Variants in BDH1 observed in about 807,000 individuals in gnomAD.
The protein encoded by BDH1 is 3-hydroxybutyrate dehydrogenase 1, also known as D-beta-hydroxybutyrate dehydrogenase, mitochondrial.
In BDH1, 30 loss-of-function variants were observed where a neutral mutation model predicts 33.1. That is an observed-to-expected ratio of 0.91 (90% CI 0.68 to 1.23). The LOEUF is 1.23. Among genes scored for constraint, BDH1 ranks in the 50% most tolerant of loss-of-function variants. BDH1 has a pLI of 0.00. For missense variants in BDH1, 443 were observed against 464.4 expected (o/e 0.95, Z 0.42); for synonymous variants, 190 against 183.6 (o/e 1.03, Z -0.28).
chr3:197,550,582 C>T (rs866896904), intron 2 of BDH1, among the ~76,000 whole-genome samples: 5 of 152,310 alleles, frequency 3.3e-5, no homozygotes, highest in South Asian at 4.1e-4. Context: ...CCCCTGGCAC[C>T]GTGAGAGAAT....
intron 2 of BDH1, among the ~76,000 whole-genome samples, chr3:197,553,761 A>G (rs949687418): frequency 6.6e-6 from 1 of 152,168 alleles, no homozygotes; most frequent in African/African-American, 2.4e-5. Context: ...AATGTACACC[A>G]GCCTTGGTGA....
chr3:197,559,973 G>C (rs1442790604), upstream of BDH1, among the ~76,000 whole-genome samples: 1 of 152,186 alleles, frequency 6.6e-6, no homozygotes, highest in Non-Finnish European at 1.5e-5. Context: ...TCCCCCTACT[G>C]TAAAACCACC....
chr3:197,513,569 A>C (rs572325351), intron 7 of BDH1, among the ~76,000 whole-genome samples: 1 of 152,366 alleles, frequency 6.6e-6, no homozygotes, highest in Admixed American at 6.5e-5. Context: ...AACTCAGCCC[A>C]TCCTGGGGGA....
chr3:197,538,386 T>C (rs1322766285), intron 3 of BDH1: 3 of 454,272 alleles, frequency 6.6e-6, no homozygotes, highest in African/African-American at 2.0e-5. Flanking sequence ...AGTTTCACTC[T>C]TGTTGCCCAG....
rs537684407 is a variant in BDH1 at position 197,552,202 on chromosome 3, A to G, written c.-44+2360T>C. On this transcript the variant is annotated intron_variant, in intron 2 of 7. Coordinates refer to ENST00000392379, the MANE Select transcript of BDH1 (RefSeq NM_203314.3). The stretch of plus-strand genomic sequence containing the variant: ...CATTCTTGACTCCCCTTTCCTGCAC[A>G]CTCCACGGCCCAGTGCTCGGCAAGT... Among the ~76,000 whole-genome samples the G allele has an allele frequency of 3.3e-5, 5 of 151,264 alleles. No individual in the cohort carries two copies. The South Asian group carries it at 8.4e-4, about 25-fold the overall frequency.
intron 2 of BDH1, among the ~76,000 whole-genome samples, chr3:197,548,283 C>T (rs1035516064): frequency 2.1e-4 from 32 of 152,270 alleles, no homozygotes; most frequent in Admixed American, 1.2e-3. Flanking sequence ...ATGAGGCACC[C>T]CCTCCCACCA....
intron 2 of BDH1, among the ~76,000 whole-genome samples, chr3:197,553,979 G>C (rs544532090): frequency 6.6e-6 from 1 of 152,218 alleles, no homozygotes; most frequent in South Asian, 2.1e-4. Context: ...TTTCAAACCC[G>C]AGGACACAAG....
intron 3 of BDH1, among the ~76,000 whole-genome samples, chr3:197,541,646 A>AT (rs60455756): frequency 2.7e-4 from 40 of 150,176 alleles, no homozygotes; most frequent in South Asian, 4.3e-4. Context: ...CCATAGAATG[A>AT]TTTTTTTTTT....
chr3:197,550,526 T>C (rs971775275), intron 2 of BDH1, among the ~76,000 whole-genome samples: 43 of 152,208 alleles, frequency 2.8e-4, no homozygotes, highest in African/African-American at 1.0e-3. Flanking sequence ...CACGGAGGAC[T>C]GAGCCAGGAA....
At chr3:197,539,720 C>T (rs182987787) in intron 3 of BDH1, among the ~76,000 whole-genome samples, 216 of 152,154 alleles carry the variant, frequency 1.4e-3, no homozygotes, top group African/African-American at 5.1e-3. Flanking sequence ...TGGCCCCGAC[C>T]CAGGAACTGA....
chr3:197,557,064 G>T (rs1329262240), upstream of BDH1, among the ~76,000 whole-genome samples: 1 of 152,220 alleles, frequency 6.6e-6, no homozygotes, highest in African/African-American at 2.4e-5. This position sits in a 1 kb window ranked among gnomAD's most constrained non-coding sequence, Gnocchi z 4.6. Context: ...TCAGAAACTC[G>T]AAAGAATGCG....
In BDH1 at chr3:197,565,463, C is replaced by T. The variant is rs556900519; in HGVS notation, c.-44+7718G>A. The stretch of plus-strand genomic sequence containing the variant: ...TTAATCCTTTAAGATATTAGGTTTC[C>T]TGAAGTCCAAAATGACATAATTTGG... On this transcript the variant is annotated intron_variant, in intron 1 of 6. Transcript: ENST00000358186. Among the ~76,000 whole-genome samples, 10 of 151,978 alleles carry T rather than the reference C, an allele frequency of 6.6e-5. No individual in the cohort carries two copies. In the South Asian group the frequency reaches 1.5e-3, roughly 22 times the overall value.
chr3:197,560,501 A>T (rs1315019381), upstream of BDH1, among the ~76,000 whole-genome samples: 2 of 152,244 alleles, frequency 1.3e-5, no homozygotes, highest in African/African-American at 4.8e-5. Context: ...GTCCTGTTCC[A>T]GCCAATGGAA....
chr3:197,528,485 A>T lies in BDH1; in HGVS notation c.267+3927T>A, dbSNP rs1714321973. 1 of 152,226 alleles carries T rather than the reference A, an allele frequency of 6.6e-6. No individual in the cohort carries two copies. The allele number at this position is 152,226 out of a possible 1,614,324, so 9.4% of individuals were successfully genotyped here. Reference sequence around the variant, plus strand: ...CTGAACAAGAGCAGAGAGAGTGTTTAGGTACAGATGTAGCCGGAATCCATC... The same window carrying T: ...CTGAACAAGAGCAGAGAGAGTGTTTTGGTACAGATGTAGCCGGAATCCATC... On this transcript the variant is annotated intron_variant, in intron 5 of 7. Transcript: ENST00000392379. This position sits in a 1 kb window ranked among gnomAD's most constrained non-coding sequence, Gnocchi z 5.1.
chr3:197,566,633 G>T lies in BDH1; in HGVS notation c.-44+6548C>A, dbSNP rs570920776. Among the ~76,000 whole-genome samples the T allele has an allele frequency of 1.2e-3, 181 of 152,256 alleles. 2 individuals are homozygous for T. The highest frequency in any genetic ancestry group is 4.0e-3 in the African/African-American group (165 of 41,544). ...AGGCCAAGTATAGTAAAGCAAACCA[G>T]TCCTACCATGATTTTTCTTTAGTAC... is the stretch of plus-strand genomic sequence containing the variant. On this transcript the variant is annotated intron_variant, in intron 1 of 6. Transcript: ENST00000358186.
rs1281789447 is a variant in BDH1 at position 197,525,853 on chromosome 3, T to G, written c.268-3072A>C. ...CTGGACCCAGGGTTTCTGTGCTCCCTCTGCAGGTCTCCGTGCTCCCTCTGC... is the reference window on the plus strand; with the variant it reads ...CTGGACCCAGGGTTTCTGTGCTCCCGCTGCAGGTCTCCGTGCTCCCTCTGC... On this transcript the variant is annotated intron_variant, in intron 5 of 7. Transcript: ENST00000392379. The surrounding 1 kb of genome is among the most constrained non-coding windows in gnomAD (Gnocchi z 4.9). 1.3e-5 allele frequency among the ~76,000 whole-genome samples: 2 copies of G among 152,014 alleles called. No homozygotes were observed. Among genetic ancestry groups the G allele is most frequent in the Admixed American group, 6.6e-5 (1 of 15,262 alleles).
intron 6 of BDH1, among the ~76,000 whole-genome samples, chr3:197,517,461 C>A (rs1712899073): frequency 1.3e-5 from 1 of 77,190 alleles, no homozygotes; most frequent in Non-Finnish European, 2.7e-5. Context: ...TCAGGCCGAC[C>A]CCCTCATCAG....
chr3:197,522,662 C>G lies in BDH1; in HGVS notation c.387G>C (p.Ser129=), dbSNP rs781650455. 6.2e-7 allele frequency: 1 copy of G among 1,614,178 alleles called. No homozygotes were observed. Among genetic ancestry groups the G allele is most frequent in the Non-Finnish European group, 8.5e-7 (1 of 1,180,014 alleles). Residue 129 remains serine, a synonymous_variant, in exon 6 of 8, where the codon TCG becomes TCC. Coordinates refer to ENST00000392379, the MANE Select transcript of BDH1 (RefSeq NM_203314.3). The surrounding 1 kb of genome is among the most constrained non-coding windows in gnomAD (Gnocchi z 4.8). Reference sequence around the variant, plus strand: ...TACCTTTCTCAGGGTCCTTCAGGCTCGAGCGGACAATCTCCACCACTTTCT... The same window carrying G: ...TACCTTTCTCAGGGTCCTTCAGGCTGGAGCGGACAATCTCCACCACTTTCT... The part of the protein sequence containing the change: ...EVEKVVEIVR[S]SLKDPEKGMW...
chr3:197,561,229 C>T (rs979723413), intron 1 of BDH1, among the ~76,000 whole-genome samples: 17 of 152,120 alleles, frequency 1.1e-4, no homozygotes, highest in East Asian at 5.8e-4. Context: ...GCTAACCTTA[C>T]GGCTCAAACC....
Sources: gnomAD v4.1 joint callset for allele counts (sites outside exome capture counted in the v4.1 genomes callset) on GRCh38, gnomAD v4.1.1 for gene constraint, Gnocchi (gnomAD v3.1) non-coding constraint, MANE v1.5 for transcripts, NCBI Gene and HGNC (gene_info 2026-07-23, HGNC 2026-07-21) for gene names.